The following GRID1 variants were observed in gnomAD, a reference collection of about 807,000 sequenced individuals.
GRID1 encodes the protein glutamate receptor ionotropic, delta-1.
GRID1 carries 28 observed loss-of-function variants against 98.0 expected under a neutral mutation model. That is an observed-to-expected ratio of 0.29 (90% CI 0.21 to 0.39). The LOEUF (loss-of-function observed/expected upper bound fraction) is 0.39, where lower values mean the gene tolerates loss of function less well. GRID1 is among the 10% of genes least tolerant of loss of function. The pLI, the probability that GRID1 is intolerant of heterozygous loss-of-function variation, is 1.00. For synonymous variants in GRID1, 553 were observed against 538.5 expected (o/e 1.03, Z -0.37); for missense variants, 1,111 against 1,340.5 (o/e 0.83, Z 2.67).
chr10:85,684,537 A>T (rs1361762848), intron 12 of GRID1, among the ~76,000 whole-genome samples: 1 of 152,228 alleles, frequency 6.6e-6, no homozygotes, highest in Non-Finnish European at 1.5e-5. Flanking sequence ...TGTAATATTC[A>T]TCTTAAGGGA....
chr10:85,811,278 C>T (rs1163028971), intron 8 of GRID1, among the ~76,000 whole-genome samples: 1 of 152,146 alleles, frequency 6.6e-6, no homozygotes, highest in African/African-American at 2.4e-5. Flanking sequence ...TTGGAAGAGG[C>T]TACTATTCCC....
intron 15 of GRID1, chr10:85,606,355 C>G (rs1172881825): frequency 6.6e-6 from 1 of 152,196 alleles, no homozygotes; most frequent in Non-Finnish European, 1.5e-5. Flanking sequence ...GAAATCCATC[C>G]TCTTCACATC....
At chr10:85,815,890 CT>C (rs920705103) in intron 8 of GRID1, among the ~76,000 whole-genome samples, 10 of 151,736 alleles carry the variant, frequency 6.6e-5, no homozygotes, top group Admixed American at 6.6e-5. Context: ...AAAACAACTC[CT>C]TTTTTGTAAA....
chr10:85,629,264 G>C (rs1203633885), intron 13 of GRID1, among the ~76,000 whole-genome samples: 1 of 152,148 alleles, frequency 6.6e-6, no homozygotes, highest in African/African-American at 2.4e-5. Context: ...AAGGGTACAA[G>C]TGCAGTTTTG....
intron 15 of GRID1, 164 bp downstream of exon 15, chr10:85,613,243 A>G (rs767072951): frequency 1.8e-4 from 133 of 727,114 alleles, no homozygotes; most frequent in Non-Finnish European, 2.0e-4. Context: ...TAGTTTTAAA[A>G]ACAAAATAAA....
At chr10:85,879,187 C>T (rs1840960818) in intron 5 of GRID1, among the ~76,000 whole-genome samples, 1 of 152,038 alleles carries the variant, frequency 6.6e-6, no homozygotes, top group South Asian at 2.1e-4. Flanking sequence ...CTTTAACACC[C>T]CACTGTCAAC....
chr10:86,326,613 C>A (rs1019239655), intron 2 of GRID1, among the ~76,000 whole-genome samples: 3 of 152,180 alleles, frequency 2.0e-5, no homozygotes, highest in African/African-American at 7.2e-5. Context: ...AAGAGAAGAA[C>A]AATTTGCCAT....
chr10:85,610,331 AT>A (rs1842718346), intron 15 of GRID1, among the ~76,000 whole-genome samples: 1 of 152,178 alleles, frequency 6.6e-6, no homozygotes, highest in African/African-American at 2.4e-5. Context: ...TCAGTCTGGC[AT>A]TTAAGTCCTT....
At chr10:86,334,552 T>G (rs1848197482) in intron 2 of GRID1, among the ~76,000 whole-genome samples, 2 of 152,164 alleles carry the variant, frequency 1.3e-5, no homozygotes, top group Admixed American at 6.5e-5. Flanking sequence ...TTACCTGAAG[T>G]AGAAGAAAGG....
intron 13 of GRID1, among the ~76,000 whole-genome samples, chr10:85,621,332 A>G (rs1313575017): frequency 2.0e-5 from 3 of 152,128 alleles, no homozygotes; most frequent in Non-Finnish European, 4.4e-5. Flanking sequence ...AGCAAGCTAC[A>G]GGCTTCTTGG....
Position 85,604,815 on chromosome 10 carries a change from G to A in GRID1, c.2602-2114C>T, listed in dbSNP as rs79756226. Among the ~76,000 whole-genome samples the A allele has an allele frequency of 3.6e-3, 549 of 152,212 alleles. 1 individual carries two copies. Among genetic ancestry groups the A allele is most frequent in the East Asian group, 0.025 (132 of 5,178 alleles). On this transcript the variant is annotated intron_variant, in intron 15 of 15. Transcript: ENST00000327946. The stretch of plus-strand genomic sequence containing the variant: ...ACTACTTTAGGAATATTTTATAACC[G>A]TTATACAGTGTGTTAGTGGCTTAGC...
intron 3 of GRID1, among the ~76,000 whole-genome samples, chr10:86,141,210 C>G (rs1033720972): frequency 6.6e-6 from 1 of 152,170 alleles, no homozygotes; most frequent in Non-Finnish European, 1.5e-5. Context: ...CCCCAGTGCT[C>G]CAGGCCCCCA....
chr10:85,832,966 A>T (rs947595), intron 8 of GRID1, among the ~76,000 whole-genome samples: 41,569 of 151,976 alleles, frequency 0.27, 5,917 homozygotes, highest in African/African-American at 0.34. Context: ...CCAGGCACCA[A>T]GAGCAGCACT....
intron 2 of GRID1, among the ~76,000 whole-genome samples, chr10:86,226,473 TCC>T (rs1846349668): frequency 6.6e-5 from 1 of 15,266 alleles, no homozygotes; most frequent in African/African-American, 2.6e-4. Flanking sequence ...CAGCACACCC[TCC>T]CACCCCAGCA....
intron 3 of GRID1, among the ~76,000 whole-genome samples, chr10:86,187,223 T>C (rs1178260019): frequency 1.3e-5 from 2 of 152,146 alleles, no homozygotes; most frequent in African/African-American, 4.8e-5. Flanking sequence ...CTCCATTTCC[T>C]CATTGGTAAA....
At chr10:85,942,839 C>G (rs931704121) in intron 4 of GRID1, among the ~76,000 whole-genome samples, 1 of 152,120 alleles carries the variant, frequency 6.6e-6, no homozygotes, top group Admixed American at 6.5e-5. Flanking sequence ...TGTTCATATT[C>G]AAAACTATTA....
At position 85,821,516 on chromosome 10, in the gene GRID1, CAAAAAAAAAAAAAAAAA is replaced by C. The variant is rs1157209045; in HGVS notation, c.1233+32963_1233+32979del. 3.2e-3 allele frequency among the ~76,000 whole-genome samples: 29 copies of C among 9,116 alleles called. 2 individuals are homozygous for C. Among genetic ancestry groups the C allele is most frequent in the South Asian group, 0.031 (5 of 160 alleles). The allele number at this position is 9,116 out of a possible 152,430, so 6.0% of individuals were successfully genotyped here. On this transcript the variant is annotated intron_variant, in intron 8 of 15. Transcript: ENST00000327946. ...TGGGTGACAGAGCAAGACTTCATCT[CAAAAAAAAAAAAAAAAA>C]AAAAAAAAAAAAGAAAACAGATCAA...
At chr10:85,812,191 G>T (rs1842677926) in intron 8 of GRID1, among the ~76,000 whole-genome samples, 1 of 152,030 alleles carries the variant, frequency 6.6e-6, no homozygotes, top group Admixed American at 6.6e-5. Context: ...TAAAAGAAAT[G>T]ATTAAGGGAG....
chr10:85,632,367 G>A (rs1842985412), intron 13 of GRID1, among the ~76,000 whole-genome samples: 1 of 152,154 alleles, frequency 6.6e-6, no homozygotes, highest in African/African-American at 2.4e-5. Flanking sequence ...TCAAGCAAAT[G>A]TTCTCAAATT....
Sources: gnomAD v4.1 joint callset for allele counts (sites outside exome capture counted in the v4.1 genomes callset) on GRCh38, gnomAD v4.1.1 for gene constraint, MANE v1.5 for transcripts, NCBI Gene and HGNC (gene_info 2026-07-23, HGNC 2026-07-21) for gene names.